Variants in CLASP2 observed in about 807,000 individuals in gnomAD.
CLASP2 encodes the protein CLIP-associating protein 2.
A neutral mutation model predicts 194.4 loss-of-function variants in CLASP2; 47 were observed. The ratio of observed to expected loss-of-function variants is 0.24; its 90% CI spans 0.19 to 0.31. The LOEUF (loss-of-function observed/expected upper bound fraction) is 0.31. Ranked by LOEUF, CLASP2 falls within the 10% of genes least tolerant of loss-of-function variation. The pLI, the probability that CLASP2 is intolerant of heterozygous loss-of-function variation, is 1.00. For synonymous variants in CLASP2, 619 were observed against 633.5 expected (o/e 0.98, Z 0.34); for missense variants, 1,445 against 1,823.6 (o/e 0.79, Z 3.78).
intron 6 of CLASP2, among the ~76,000 whole-genome samples, chr3:33,674,432 A>G (rs1005119340): frequency 6.6e-6 from 1 of 151,166 alleles, no homozygotes; most frequent in Non-Finnish European, 1.5e-5. Flanking sequence ...TCTCTGGGAC[A>G]CATTCAAAGC....
chr3:33,602,066 T>C (rs1311119148), intron 18 of CLASP2, among the ~76,000 whole-genome samples: 1 of 150,914 alleles, frequency 6.6e-6, no homozygotes, highest in South Asian at 2.1e-4. Flanking sequence ...CAGGCTGCAG[T>C]GCAATGGCAC....
chr3:33,676,208 C>T (rs1259301055), intron 6 of CLASP2, among the ~76,000 whole-genome samples: 1 of 150,836 alleles, frequency 6.6e-6, no homozygotes. Context: ...GTAACCAAAA[C>T]AGCATGGTAC....
chr3:33,510,494 G>T, intron 37 of CLASP2, 64 bp downstream of exon 37: 2 of 1,459,510 alleles, frequency 1.4e-6, no homozygotes, highest in Non-Finnish European at 1.9e-6. Flanking sequence ...TGCCTGGAAA[G>T]TACCTAAAAT....
At chr3:33,553,457 T>TA (rs1209057005) in intron 29 of CLASP2, among the ~76,000 whole-genome samples, 5 of 152,160 alleles carry the variant, frequency 3.3e-5, no homozygotes, top group Non-Finnish European at 4.4e-5. Context: ...ATACATCTGA[T>TA]AAGTGGTTAA....
At chr3:33,549,862 C>T (rs2059716478) in intron 30 of CLASP2, among the ~76,000 whole-genome samples, 1 of 151,784 alleles carries the variant, frequency 6.6e-6, no homozygotes, top group African/African-American at 2.4e-5. Flanking sequence ...CCTTAGCCTC[C>T]CAGGTAGCTG....
intron 9 of CLASP2, among the ~76,000 whole-genome samples, chr3:33,631,480 G>A (rs1185341200): frequency 6.6e-6 from 1 of 152,170 alleles, no homozygotes; most frequent in African/African-American, 2.4e-5. Flanking sequence ...TGGATCACTT[G>A]AGGTGAGGAG....
intron 36 of CLASP2, 67 bp from the exon 37 acceptor site, chr3:33,510,831 A>C: frequency 1.5e-6 from 2 of 1,337,374 alleles, no homozygotes; most frequent in Non-Finnish European, 2.1e-6. Flanking sequence ...CTGGAAGTAT[A>C]AACTTCATGA....
chr3:33,533,206 C>T (rs2056683041), intron 34 of CLASP2, among the ~76,000 whole-genome samples: 1 of 152,144 alleles, frequency 6.6e-6, no homozygotes, highest in Admixed American at 6.6e-5. Context: ...TACTTTCATG[C>T]TATGTCCAAT....
At chr3:33,592,903 C>G (rs55872829) in intron 20 of CLASP2, among the ~76,000 whole-genome samples, 138 of 152,258 alleles carry the variant, frequency 9.1e-4, no homozygotes, top group African/African-American at 3.2e-3. Flanking sequence ...ACAATTCAAA[C>G]CATCCTTTTG....
intron 36 of CLASP2, among the ~76,000 whole-genome samples, chr3:33,511,259 T>TA (rs941793393): frequency 1.3e-5 from 2 of 152,060 alleles, no homozygotes; most frequent in Non-Finnish European, 2.9e-5. Context: ...ACGGTGATGT[T>TA]AAACTCCAGA....
At chr3:33,618,730 A>G (rs1160811383) in intron 12 of CLASP2, among the ~76,000 whole-genome samples, 1 of 152,220 alleles carries the variant, frequency 6.6e-6, no homozygotes, top group Non-Finnish European at 1.5e-5. Context: ...TGTGTAGCAA[A>G]TACATTTGTA....
Position 33,551,263 on chromosome 3 carries a change from C to G in CLASP2, c.3142G>C (p.Asp1048His). ...ITWTTEPKSS[D>H]VRKAAQSVLI... Reference sequence around the variant, plus strand: ...ATATTAAAATATACCTTCCGAACATCAGAACTTTTGGGTTCTGTTGTCCAA... The same window carrying G: ...ATATTAAAATATACCTTCCGAACATGAGAACTTTTGGGTTCTGTTGTCCAA... Residue 1048 changes from aspartate to histidine, a missense_variant, in exon 30 of 39, where the codon GAT (aspartate) becomes CAT (histidine). Transcript: ENST00000682230. 6.2e-7 allele frequency: 1 copy of G among 1,612,626 alleles called. No homozygotes were observed. Among genetic ancestry groups the G allele is most frequent in the Non-Finnish European group, 8.5e-7 (1 of 1,179,296 alleles).
intron 30 of CLASP2, among the ~76,000 whole-genome samples, chr3:33,545,771 G>A (rs1214328294): frequency 6.6e-6 from 1 of 152,124 alleles, no homozygotes; most frequent in Admixed American, 6.5e-5. Context: ...CTAGCCGGGT[G>A]TGGTGGTGTG....
chr3:33,515,107 C>T (rs1041054937), intron 36 of CLASP2, among the ~76,000 whole-genome samples: 10 of 152,076 alleles, frequency 6.6e-5, no homozygotes, highest in African/African-American at 2.4e-4. Flanking sequence ...AAAGACTACA[C>T]ATTAGGTACA....
At chr3:33,690,095 G>A (rs1490795460) in intron 2 of CLASP2, among the ~76,000 whole-genome samples, 163 bp from the exon 3 acceptor site, 2 of 152,076 alleles carry the variant, frequency 1.3e-5, no homozygotes, top group Non-Finnish European at 2.9e-5. Context: ...AAAAATAACT[G>A]AGCAGTTTCA....
chr3:33,655,295 G>A (rs1479456123), intron 7 of CLASP2, among the ~76,000 whole-genome samples: 4 of 152,136 alleles, frequency 2.6e-5, no homozygotes, highest in African/African-American at 7.2e-5. Flanking sequence ...CCCTGCACCC[G>A]TTAAATGAGA....
At chr3:33,705,374 G>C (rs1350730105) in intron 1 of CLASP2, among the ~76,000 whole-genome samples, 1 of 152,288 alleles carries the variant, frequency 6.6e-6, no homozygotes, top group Middle Eastern at 3.4e-3. Flanking sequence ...AATAGTGGTA[G>C]CTTAGGACTA....
chr3:33,642,033 G>A (rs567819980), intron 8 of CLASP2, among the ~76,000 whole-genome samples: 35 of 152,056 alleles, frequency 2.3e-4, no homozygotes, highest in East Asian at 1.5e-3. Context: ...CTGAAAGCAT[G>A]TTGACAAATA....
chr3:33,560,882 T>C lies in CLASP2; in HGVS notation c.2856A>G (p.Gln952=), dbSNP rs1478700913. 1 of 1,613,974 alleles carries C rather than the reference T, an allele frequency of 6.2e-7. No individual in the cohort carries two copies. The highest frequency in any genetic ancestry group is 2.2e-5 in the East Asian group (1 of 44,882). ...LQDWLFVLLT[Q]LLKKMGADLL... is the part of the protein sequence containing the mutation. ...AATCAGCACCCATTTTTTTTAGTAG[T>C]TGTGTCAGCAGTACAAACAACCAAT... Residue 952 remains glutamine (Q), a synonymous_variant, in exon 28 of 39, where the codon CAA becomes CAG. Coordinates refer to ENST00000682230, the MANE Select transcript of CLASP2 (RefSeq NM_001365631.1).
Sources: allele counts gnomAD v4.1 joint callset (sites outside exome capture counted in the v4.1 genomes callset), GRCh38; gene constraint gnomAD v4.1.1; transcripts MANE v1.5; gene names NCBI Gene and HGNC (gene_info 2026-07-23, HGNC 2026-07-21).